The following PCDHGA3 variants were observed in gnomAD, a reference collection of about 807,000 sequenced individuals.
The protein encoded by PCDHGA3 is protocadherin gamma subfamily A, 3, also known as protocadherin gamma-A3.
PCDHGA3 carries 40 observed loss-of-function variants against 58.5 expected under a neutral mutation model. The observed-to-expected ratio is 0.68, with a 90% CI of 0.53 to 0.89. PCDHGA3 has a LOEUF of 0.89. PCDHGA3 is among the 40% of genes least tolerant of loss of function. The pLI, the probability that PCDHGA3 is intolerant of heterozygous loss-of-function variation, is 0.00. For synonymous variants in PCDHGA3, 530 were observed against 525.7 expected (o/e 1.01, Z -0.11); for missense variants, 1,223 against 1,195.9 (o/e 1.02, Z -0.33).
rs769607720 is a variant in PCDHGA3 at position 141,489,346 on chromosome 5, G to A, written c.2425-5461G>A. 4 of 1,611,652 alleles carry A rather than the reference G, an allele frequency of 2.5e-6. No individual in the cohort carries two copies. The highest frequency in any genetic ancestry group is 3.4e-6 in the Non-Finnish European group (4 of 1,178,446). On this transcript the variant is annotated intron_variant, in intron 1 of 3. Transcript: ENST00000253812. The surrounding 1 kb of genome is among the most constrained non-coding windows in gnomAD (Gnocchi z 4.5). Reference sequence around the variant, plus strand: ...GTCTGGGCAGCTTCGTTACTCAGTGGTGGAGGAGTCTGAGCCGGGGACGCT... The same window carrying A: ...GTCTGGGCAGCTTCGTTACTCAGTGATGGAGGAGTCTGAGCCGGGGACGCT...
At chr5:141,371,430 G>C in intron 1 of PCDHGA3, 1 of 1,613,962 alleles carries the variant, frequency 6.2e-7, no homozygotes, top group South Asian at 1.1e-5. Flanking sequence ...CAATGCCCCG[G>C]AGATAACCCT....
intron 1 of PCDHGA3, chr5:141,399,475 C>G: frequency 1.2e-6 from 2 of 1,614,022 alleles, no homozygotes; most frequent in Non-Finnish European, 1.7e-6. Context: ...GGTTTTCCAC[C>G]AGGCGTCCTA....
intron 1 of PCDHGA3, chr5:141,367,888 TG>T (rs1765380243): frequency 6.6e-6 from 1 of 152,184 alleles, no homozygotes; most frequent in African/African-American, 2.4e-5. Flanking sequence ...CTTTATTACT[TG>T]AGTTTAAGGT....
chr5:141,355,144 C>T (rs1759728329), intron 1 of PCDHGA3: 1 of 1,532,618 alleles, frequency 6.5e-7, no homozygotes, highest in East Asian at 2.3e-5. Context: ...TCCTGGGGCT[C>T]CTCAGGCCTC....
rs892194707 is a variant in PCDHGA3 at position 141,345,734 on chromosome 5, C to T, written c.1701C>T (p.Leu567=). 3.7e-6 allele frequency: 6 copies of T among 1,614,206 alleles called. No individual in the cohort carries two copies. The highest frequency in any genetic ancestry group is 8.5e-7 in the Non-Finnish European group (1 of 1,180,038). The part of the protein sequence containing the change: ...DNAPEILYPA[L]PTDGSTGVEL... ...CGCCCGAGATCCTGTACCCCGCCCT[C>T]CCCACAGACGGTTCCACTGGCGTGG... Residue 567 remains leucine, a synonymous_variant, in exon 1 of 4, where the codon CTC becomes CTT. Transcript: ENST00000253812.
At chr5:141,414,134 A>T in intron 1 of PCDHGA3, 1 of 1,595,028 alleles carries the variant, frequency 6.3e-7, no homozygotes, top group South Asian at 1.1e-5. Flanking sequence ...GGTTTCTATG[A>T]AATAGAAATA....
rs530963064 is a variant in PCDHGA3, at chr5:141,404,506, C to G, written c.2424+58049C>G. ...ACACTGGTGTGCTGTATGCTCTGTG[C>G]TCCTTTGACTATGAGCAGTTTAGAG... is the stretch of plus-strand genomic sequence containing the variant. On this transcript the variant is annotated intron_variant, in intron 1 of 3. Coordinates refer to ENST00000253812, the MANE Select transcript of PCDHGA3 (RefSeq NM_018916.4). The G allele has an allele frequency of 3.2e-5, 52 of 1,613,814 alleles. No individual in the cohort carries two copies. Among genetic ancestry groups the G allele is most frequent in the Non-Finnish European group, 4.3e-5 (51 of 1,179,838 alleles).
Position 141,490,563 on chromosome 5 carries a change from G to C in PCDHGA3, c.2425-4244G>C. On this transcript the variant is annotated intron_variant, in intron 1 of 3. Coordinates refer to ENST00000253812, the MANE Select transcript of PCDHGA3 (RefSeq NM_018916.4). This position sits in a 1 kb window ranked among gnomAD's most constrained non-coding sequence, Gnocchi z 5.4. ...CCCTACACAAACATCTCACCATCAG[G>C]CTCAACATTTCAGATGTCAATGACA... 1 of 1,614,022 alleles carries C rather than the reference G, an allele frequency of 6.2e-7. No individual in the cohort carries two copies. Among genetic ancestry groups the C allele is most frequent in the Non-Finnish European group, 8.5e-7 (1 of 1,180,008 alleles).
intron 1 of PCDHGA3, among the ~76,000 whole-genome samples, chr5:141,466,443 C>T (rs906096545): frequency 6.6e-6 from 1 of 152,186 alleles, no homozygotes; most frequent in African/African-American, 2.4e-5. Context: ...ACCGAGATGT[C>T]TATGGTGTTG....
At chr5:141,399,125 T>C in intron 1 of PCDHGA3, 1 of 1,613,834 alleles carries the variant, frequency 6.2e-7, no homozygotes, top group South Asian at 1.1e-5. Context: ...GAAATTAATA[T>C]TCAAGATGAA....
Position 141,432,224 on chromosome 5 carries a change from T to C in PCDHGA3, c.2425-62583T>C. On this transcript the variant is annotated intron_variant, in intron 1 of 3. Transcript: ENST00000253812. The surrounding 1 kb of genome is among the most constrained non-coding windows in gnomAD (Gnocchi z 6.0). The stretch of plus-strand genomic sequence containing the variant: ...CTGTGAAGAGAACGCCCAGATCACT[T>C]ATTCCCTGGCTGAGAACACCATCCA... 6.2e-7 allele frequency: 1 copy of C among 1,614,138 alleles called. No homozygotes were observed. Among genetic ancestry groups the C allele is most frequent in the Non-Finnish European group, 8.5e-7 (1 of 1,180,024 alleles).
In PCDHGA3 at chr5:141,362,410, C is replaced by T. The variant is rs374650665; in HGVS notation, c.2424+15953C>T. The stretch of plus-strand genomic sequence containing the variant: ...TTCCTACAACCTGTGTGTTGCCTCA[C>T]AATCAGCCAAGACAGAGTTCAATTT... On this transcript the variant is annotated intron_variant, in intron 1 of 3. Coordinates refer to ENST00000253812, the MANE Select transcript of PCDHGA3 (RefSeq NM_018916.4). 2.5e-6 allele frequency: 4 copies of T among 1,613,916 alleles called. No individual in the cohort carries two copies. The African/African-American group carries it at 5.3e-5, about 22-fold the overall frequency.
In PCDHGA3 at chr5:141,356,612, T is replaced by C. The variant is rs550399659; in HGVS notation, c.2424+10155T>C. 2.5e-6 allele frequency: 4 copies of C among 1,614,160 alleles called. No homozygotes were observed. The East Asian group carries it at 6.7e-5, about 27-fold the overall frequency. On this transcript the variant is annotated intron_variant, in intron 1 of 3. Transcript: ENST00000253812. ...GAAAACAACCCCAGAGGAGCCTCCA[T>C]CTTATCTATGACTGCTCAAGACCCT...
intron 3 of PCDHGA3, among the ~76,000 whole-genome samples, chr5:141,506,799 A>G (rs1026030023): frequency 5.3e-5 from 8 of 152,198 alleles, no homozygotes; most frequent in Admixed American, 3.9e-4. Flanking sequence ...CTGGCAGAGG[A>G]TCAAGGCATT....
At chr5:141,372,626 C>T (rs1385028650) in intron 1 of PCDHGA3, 3 of 1,613,792 alleles carry the variant, frequency 1.9e-6, no homozygotes, top group East Asian at 2.2e-5. Context: ...CCACCTACAG[C>T]GAAAGGACTT....
Position 141,485,585 on chromosome 5 carries a change from C to G in PCDHGA3, c.2425-9222C>G, listed in dbSNP as rs373987810. The G allele has an allele frequency of 7.4e-6, 12 of 1,612,204 alleles. No individual in the cohort carries two copies. The highest frequency in any genetic ancestry group is 1.0e-5 in the Non-Finnish European group (12 of 1,178,590). On this transcript the variant is annotated intron_variant, in intron 1 of 3. Transcript: ENST00000253812. The surrounding 1 kb of genome is among the most constrained non-coding windows in gnomAD (Gnocchi z 5.7). ...CGCCCCCCGTTTTCCGCGGCAGCAG[C>G]TGGACTTGGAAATTGGGGAGGCAGC...
chr5:141,500,871 T>C (rs2154592764), intron 2 of PCDHGA3, among the ~76,000 whole-genome samples: 1 of 135,840 alleles, frequency 7.4e-6, no homozygotes, highest in African/African-American at 3.0e-5. Context: ...TACACATTCA[T>C]TTACAATTTT....
chr5:141,459,260 T>G (rs551625614), intron 1 of PCDHGA3, among the ~76,000 whole-genome samples: 1 of 152,344 alleles, frequency 6.6e-6, no homozygotes, highest in South Asian at 2.1e-4. Flanking sequence ...TAAATTAGTG[T>G]TGCCTCTTTC....
intron 1 of PCDHGA3, chr5:141,391,723 C>CT (rs1366104842): frequency 6.6e-6 from 1 of 152,126 alleles, no homozygotes; most frequent in African/African-American, 2.4e-5. Flanking sequence ...GGGAAACAGA[C>CT]TTTTTTGTAG....
Sources: allele counts gnomAD v4.1 joint callset (sites outside exome capture counted in the v4.1 genomes callset), GRCh38; gene constraint gnomAD v4.1.1; non-coding constraint Gnocchi (gnomAD v3.1); transcripts MANE v1.5; gene names NCBI Gene and HGNC (gene_info 2026-07-23, HGNC 2026-07-21).